Variants in TBC1D30 observed in about 807,000 individuals in gnomAD.
TBC1D30 encodes the protein TBC1 domain family member 30, also known as TBC1 domain family, member 30.
Under a neutral mutation model 63.2 loss-of-function variants are expected in TBC1D30, and 31 were observed. That is an observed-to-expected ratio of 0.49 (90% CI 0.37 to 0.66). The LOEUF is 0.66. Among genes scored for constraint, TBC1D30 ranks in the 30% least tolerant of loss-of-function variants. The pLI, the probability that TBC1D30 is intolerant of heterozygous loss-of-function variation, is 0.00. For synonymous variants in TBC1D30, 307 were observed against 361.5 expected, an observed-to-expected ratio of 0.85 and a Z score of 1.71; for missense variants, 810 against 953.6, an observed-to-expected ratio of 0.85 and a Z score of 1.98.
At chr12:64,798,913 C>T (rs533341207) in intron 2 of TBC1D30, among the ~76,000 whole-genome samples, 24 of 151,070 alleles carry the variant, frequency 1.6e-4, no homozygotes, top group African/African-American at 3.2e-4. Flanking sequence ...CCCTGGTTCA[C>T]GCCACTCTCC....
intron 5 of TBC1D30, among the ~76,000 whole-genome samples, chr12:64,832,743 C>T (rs891668339): frequency 2.6e-5 from 4 of 152,068 alleles, no homozygotes; most frequent in South Asian, 2.1e-4. Context: ...CATTGGCTTT[C>T]GAGTTTGTTT....
chr12:64,866,832 C>G lies in TBC1D30; in HGVS notation c.1220C>G (p.Ala407Gly), dbSNP rs1171050791. The G allele has an allele frequency of 6.5e-7, 1 of 1,536,232 alleles. No individual in the cohort carries two copies. The highest frequency in any genetic ancestry group is 8.7e-7 in the Non-Finnish European group (1 of 1,146,978). ...DPDDEDAVVN[A>G]VGCLGPFSGF... is the part of the protein sequence containing the mutation. ...GACGATGAGGATGCTGTCGTTAATG[C>G]AGTGGGGTGTCTTGGACCTTTTAGT... The change falls in exon 10 of 12, where the codon GCA becomes GGA. Residue 407 changes from alanine to glycine, a missense_variant. Physicochemically the swap from Ala to Gly is moderately conservative, Grantham distance 60. This residue lies in a region of TBC1D30 where 450 missense variants were observed against 473.0 expected (regional missense o/e 0.95). Transcript: ENST00000539867.
chr12:64,852,045 T>A (rs1876920886), intron 8 of TBC1D30, among the ~76,000 whole-genome samples: 1 of 152,214 alleles, frequency 6.6e-6, no homozygotes. Flanking sequence ...TCGTATTTCC[T>A]GAATTTGAAT....
At chr12:64,871,080 G>T (rs569470990) in intron 11 of TBC1D30, among the ~76,000 whole-genome samples, 3 of 152,276 alleles carry the variant, frequency 2.0e-5, no homozygotes, top group African/African-American at 7.2e-5. Context: ...GTGGAGAAGG[G>T]TTTACAAATG....
At chr12:64,813,155 C>T (rs1052151518) in intron 2 of TBC1D30, among the ~76,000 whole-genome samples, 1 of 152,026 alleles carries the variant, frequency 6.6e-6, no homozygotes, top group South Asian at 2.1e-4. Context: ...TTTGGAAGGC[C>T]GAGATGGGCA....
intron 6 of TBC1D30, 37 bp downstream of exon 6, chr12:64,836,695 G>A: frequency 1.3e-6 from 2 of 1,501,670 alleles, no homozygotes; most frequent in Non-Finnish European, 1.8e-6. Flanking sequence ...GAAAATATTT[G>A]TCTTCTCTGA....
intron 3 of TBC1D30, among the ~76,000 whole-genome samples, chr12:64,828,922 G>A (rs1327830343): frequency 1.3e-5 from 2 of 152,046 alleles, no homozygotes; most frequent in East Asian, 3.9e-4. Context: ...AAGTACCTGG[G>A]AGGAGATACT....
At chr12:64,760,779 T>C (rs1870477168) in intron 1 of TBC1D30, among the ~76,000 whole-genome samples, 1 of 145,370 alleles carries the variant, frequency 6.9e-6, no homozygotes, top group African/African-American at 2.6e-5. Context: ...AAGGTAAAAA[T>C]AATGATGGAA....
intron 11 of TBC1D30, among the ~76,000 whole-genome samples, chr12:64,873,526 G>A (rs1441796521): frequency 6.6e-6 from 1 of 152,080 alleles, no homozygotes; most frequent in Non-Finnish European, 1.5e-5. Flanking sequence ...ATCTGGCAGG[G>A]TAGGGGTGTC....
intron 2 of TBC1D30, among the ~76,000 whole-genome samples, chr12:64,819,407 T>C (rs76960305): frequency 2.6e-4 from 7 of 26,532 alleles, no homozygotes; most frequent in African/African-American, 1.2e-3. Context: ...AAGGAACTAC[T>C]TTTTTTTTTT....
chr12:64,766,244 GA>G (rs1870711258), intron 1 of TBC1D30, among the ~76,000 whole-genome samples: 1 of 152,098 alleles, frequency 6.6e-6, no homozygotes, highest in Non-Finnish European at 1.5e-5. Flanking sequence ...TACATAACTG[GA>G]ATTCCAGAAG....
Position 64,836,522 on chromosome 12 carries a change from C to G in TBC1D30, c.627C>G (p.Pro209=). 6.5e-7 allele frequency: 1 copy of G among 1,535,550 alleles called. No homozygotes were observed. The highest frequency in any genetic ancestry group is 8.7e-7 in the Non-Finnish European group (1 of 1,146,642). Residue 209 remains proline, a synonymous_variant, in exon 6 of 12, where the codon CCC becomes CCG. Coordinates refer to ENST00000539867, the MANE Select transcript of TBC1D30 (RefSeq NM_015279.2). ...TTTACCTTATTGATAAGGTACTTCCCGAAAGCTATTTCGTCAATAATCTCC... is the reference window on the plus strand; with the variant it reads ...TTTACCTTATTGATAAGGTACTTCCGGAAAGCTATTTCGTCAATAATCTCC... ...IMIYLIDKVL[P]ESYFVNNLRA...
At chr12:64,760,595 A>T (rs79247589) in intron 1 of TBC1D30, among the ~76,000 whole-genome samples, 2 of 152,142 alleles carry the variant, frequency 1.3e-5, no homozygotes, top group African/African-American at 4.8e-5. Flanking sequence ...TATTCCTGGC[A>T]AGGTGAACTG....
At chr12:64,765,095 G>A (rs1308133596) in intron 1 of TBC1D30, among the ~76,000 whole-genome samples, 4 of 152,110 alleles carry the variant, frequency 2.6e-5, no homozygotes, top group Non-Finnish European at 5.9e-5. Context: ...TGCAAGGAAA[G>A]TAACTTGCTT....
At position 64,808,215 on chromosome 12, in the gene TBC1D30, G is replaced by A. The variant is rs1300800678; in HGVS notation, c.644-19620G>A. On this transcript the variant is annotated intron_variant, in intron 2 of 12. Coordinates refer to the TBC1D30 transcript ENST00000542120. ...TCTCTTGCCACATGCTATTTCCTCC[G>A]CCTGGTACTCTTTTCTGCACCACGT... 6.6e-5 allele frequency among the ~76,000 whole-genome samples: 10 copies of A among 152,018 alleles called. 1 individual carries two copies. The South Asian group carries it at 8.3e-4, about 13-fold the overall frequency.
At chr12:64,838,094 T>C in intron 6 of TBC1D30, among the ~76,000 whole-genome samples, 1 of 152,202 alleles carries the variant, frequency 6.6e-6, no homozygotes, top group South Asian at 2.1e-4. Context: ...TTTTAATAAA[T>C]TTAGAAATTT....
chr12:64,829,458 A>C (rs1004604932), intron 3 of TBC1D30, among the ~76,000 whole-genome samples: 2 of 152,124 alleles, frequency 1.3e-5, no homozygotes, highest in Non-Finnish European at 2.9e-5. Flanking sequence ...GGGAGGTAGA[A>C]TTACTGTTTA....
At chr12:64,784,721 G>T (rs1233642387) in intron 1 of TBC1D30, among the ~76,000 whole-genome samples, 1 of 151,982 alleles carries the variant, frequency 6.6e-6, no homozygotes, top group Non-Finnish European at 1.5e-5. Flanking sequence ...TTAAGGGGAG[G>T]GAGAGCATTA....
intron 11 of TBC1D30, among the ~76,000 whole-genome samples, chr12:64,871,389 G>C (rs1233108534): frequency 6.6e-6 from 1 of 152,184 alleles, no homozygotes; most frequent in East Asian, 1.9e-4. Flanking sequence ...AAAAATCCCA[G>C]TGAACAGTCT....
Sources: allele counts gnomAD v4.1 joint callset (sites outside exome capture counted in the v4.1 genomes callset), GRCh38; gene constraint gnomAD v4.1.1; regional missense constraint gnomAD v4.1.1; transcripts MANE v1.5; gene names NCBI Gene and HGNC (gene_info 2026-07-23, HGNC 2026-07-21).